CLHC1: variants seen among roughly 807,000 people sequenced by gnomAD.
CLHC1 encodes the protein clathrin heavy chain linker domain containing 1.
Under a neutral mutation model 69.5 loss-of-function variants are expected in CLHC1, and 72 were observed. The observed-to-expected ratio is 1.04, with a 90% confidence interval of 0.86 to 1.26. The LOEUF is 1.26. Ranked by LOEUF, CLHC1 falls within the 50% of genes most tolerant of loss-of-function variation. The pLI is 0.00. For synonymous variants in CLHC1, 223 were observed against 224.3 expected (o/e 0.99, Z 0.05); for missense variants, 790 against 679.3 (o/e 1.16, Z -1.81).
chr2:55,181,134 C>T (rs1669896546), intron 10 of CLHC1, among the ~76,000 whole-genome samples: 1 of 152,140 alleles, frequency 6.6e-6, no homozygotes, highest in Non-Finnish European at 1.5e-5. Context: ...CCGTGCGCCA[C>T]CATGCCTGGC....
chr2:55,222,565 ATT>A (rs910352567), intron 2 of CLHC1, 72 bp from the exon 3 acceptor site: 2 of 574,780 alleles, frequency 3.5e-6, no homozygotes, highest in East Asian at 6.3e-5. Flanking sequence ...CTAAAAATGT[ATT>A]TTTTTTAGAA....
At chr2:55,216,809 C>T (rs1392793310) in intron 4 of CLHC1, among the ~76,000 whole-genome samples, 1 of 152,112 alleles carries the variant, frequency 6.6e-6, no homozygotes, top group Admixed American at 6.5e-5. Flanking sequence ...AGGTGTGAGC[C>T]ACCCTGTGCG....
intron 9 of CLHC1, among the ~76,000 whole-genome samples, chr2:55,185,737 G>C (rs1670357505): frequency 2.0e-5 from 3 of 152,064 alleles, no homozygotes; most frequent in Admixed American, 2.0e-4. Context: ...TGAAAGGATT[G>C]GGTCTTACTA....
At chr2:55,189,476 T>C (rs896576239) in intron 9 of CLHC1, among the ~76,000 whole-genome samples, 1 of 152,176 alleles carries the variant, frequency 6.6e-6, no homozygotes, top group African/African-American at 2.4e-5. Context: ...ATAGTGATCC[T>C]TGAAAGATGG....
chr2:55,180,594 T>G lies in CLHC1; in HGVS notation c.1300A>C (p.Lys434Gln). 1 of 1,614,126 alleles carries G rather than the reference T, an allele frequency of 6.2e-7. No homozygotes were observed. The highest frequency in any genetic ancestry group is 8.5e-7 in the Non-Finnish European group (1 of 1,179,988). The change falls in exon 11 of 13, where the codon AAG (lysine) becomes CAG (glutamine). Residue 434 changes from lysine (K) to glutamine (Q), a missense_variant. Lys to Gln is a moderately conservative substitution (Grantham distance 53). Coordinates refer to ENST00000401408, the MANE Select transcript of CLHC1 (RefSeq NM_152385.4). ...QIVYSECGLHKKAILCLCKQG... is the reference protein window; with the variant it reads ...QIVYSECGLHQKAILCLCKQG... ...TTACACAAGCAAAGAATAGCTTTCT[T>G]GTGCAGGCCACATTCACTGTAGACA...
intron 9 of CLHC1, among the ~76,000 whole-genome samples, chr2:55,201,504 T>C (rs1052454045): frequency 1.9e-4 from 29 of 152,182 alleles, no homozygotes; most frequent in Middle Eastern, 6.8e-3. Flanking sequence ...CAATAAGTAA[T>C]GAGATTGAAG....
chr2:55,215,609 C>T (rs1483872471), intron 4 of CLHC1, among the ~76,000 whole-genome samples: 1 of 152,184 alleles, frequency 6.6e-6, no homozygotes, highest in East Asian at 1.9e-4. Flanking sequence ...CAGTTTACCT[C>T]TGGTTCACCC....
chr2:55,209,365 T>G (rs1452530900), intron 7 of CLHC1, 39 bp downstream of exon 7: 5 of 1,295,640 alleles, frequency 3.9e-6, no homozygotes, highest in Middle Eastern at 2.5e-4. Context: ...AAAAATGTCT[T>G]CCATTATTGG....
At chr2:55,215,415 T>C (rs1673402753) in intron 4 of CLHC1, among the ~76,000 whole-genome samples, 1 of 152,200 alleles carries the variant, frequency 6.6e-6, no homozygotes, top group Non-Finnish European at 1.5e-5. Context: ...AATAGCTTCA[T>C]TGAGATATAG....
At chr2:55,186,666 T>C (rs1044667559) in intron 9 of CLHC1, among the ~76,000 whole-genome samples, 1 of 151,822 alleles carries the variant, frequency 6.6e-6, no homozygotes, top group Non-Finnish European at 1.5e-5. Context: ...AGGGAGCTAC[T>C]TGGGAGGCTG....
chr2:55,192,152 C>T (rs996086588), intron 9 of CLHC1, among the ~76,000 whole-genome samples: 3 of 152,122 alleles, frequency 2.0e-5, no homozygotes, highest in Admixed American at 1.3e-4. Flanking sequence ...TGGAGTCTTG[C>T]TCTGTCACCC....
At chr2:55,214,629 T>C (rs1349505699) in intron 4 of CLHC1, 1 of 152,248 alleles carries the variant, frequency 6.6e-6, no homozygotes, top group Non-Finnish European at 1.5e-5. Flanking sequence ...ACAGTATTTA[T>C]GAAAGGATTG....
At chr2:55,186,767 CCT>C (rs1232677579) in intron 9 of CLHC1, among the ~76,000 whole-genome samples, 2 of 151,660 alleles carry the variant, frequency 1.3e-5, no homozygotes, top group African/African-American at 2.4e-5. Flanking sequence ...AGAGTGAGAC[CCT>C]GTCTCAAAAA....
In CLHC1 at chr2:55,222,342, A is replaced by C; in HGVS notation, c.70T>G (p.Leu24Val). Residue 24 changes from leucine to valine, a missense_variant, in exon 3 of 13, where the codon TTG becomes GTG. Physicochemically the swap from Leu to Val is conservative, Grantham distance 32. Coordinates refer to ENST00000401408, the MANE Select transcript of CLHC1 (RefSeq NM_152385.4). ...PIICRSDKEF[L>V]ESVQRYIITE... ...ATTATGTATCTTTGCACACTTTCCA[A>C]AAATTCCTTGTCACTTCTACAAATG... 1 of 1,613,900 alleles carries C rather than the reference A, an allele frequency of 6.2e-7. No homozygotes were observed. The highest frequency in any genetic ancestry group is 1.1e-5 in the South Asian group (1 of 91,078).
chr2:55,177,019 G>A (rs930497264), intron 12 of CLHC1, among the ~76,000 whole-genome samples: 1 of 152,112 alleles, frequency 6.6e-6, no homozygotes, highest in African/African-American at 2.4e-5. Context: ...GACTACAGGT[G>A]CATGCCACAT....
At chr2:55,187,645 C>G (rs1035860212) in intron 9 of CLHC1, among the ~76,000 whole-genome samples, 8 of 151,722 alleles carry the variant, frequency 5.3e-5, no homozygotes, top group African/African-American at 1.5e-4. Flanking sequence ...AAATACTGAA[C>G]TCCCAAATCA....
At chr2:55,194,781 TC>T (rs1671242603) in intron 9 of CLHC1, among the ~76,000 whole-genome samples, 1 of 152,184 alleles carries the variant, frequency 6.6e-6, no homozygotes, top group Admixed American at 6.5e-5. Flanking sequence ...ATATTTAAGG[TC>T]TACAACACGA....
intron 9 of CLHC1, among the ~76,000 whole-genome samples, chr2:55,189,452 T>C (rs1670714675): frequency 6.6e-6 from 1 of 152,178 alleles, no homozygotes; most frequent in South Asian, 2.1e-4. Context: ...TCATTGGACA[T>C]AAGGCAGTGA....
In CLHC1 at chr2:55,219,533, C is replaced by T. The variant is rs1373108636; in HGVS notation, c.178-1535G>A. Among the ~76,000 whole-genome samples, 3 of 152,100 alleles carry T rather than the reference C, an allele frequency of 2.0e-5. No individual in the cohort carries two copies. In the East Asian group the frequency reaches 5.8e-4, roughly 29 times the overall value. ...TAATGGCAATAATAGCTGGAGCTTTCGATTACAATCTCCTTTACTGGTTTA... is the reference window on the plus strand; with the variant it reads ...TAATGGCAATAATAGCTGGAGCTTTTGATTACAATCTCCTTTACTGGTTTA... On this transcript the variant is annotated intron_variant, in intron 3 of 12. Transcript: ENST00000401408.
Sources: gnomAD v4.1 joint callset for allele counts (sites outside exome capture counted in the v4.1 genomes callset) on GRCh38, gnomAD v4.1.1 for gene constraint, MANE v1.5 for transcripts, NCBI Gene and HGNC (gene_info 2026-07-23, HGNC 2026-07-21) for gene names.